The following INTS10 variants were observed in gnomAD, a reference collection of about 807,000 sequenced individuals.
The protein encoded by INTS10 is integrator complex subunit 10.
A neutral mutation model predicts 94.4 loss-of-function variants in INTS10; 44 were observed. The ratio of observed to expected loss-of-function variants is 0.47; its 90% CI spans 0.37 to 0.60. INTS10 has a LOEUF of 0.60. Ranked by LOEUF, INTS10 falls within the 20% of genes least tolerant of loss-of-function variation. INTS10 has a pLI of 0.00. For synonymous variants in INTS10, 341 were observed against 320.7 expected, an observed-to-expected ratio of 1.06 and a Z score of -0.68; for missense variants, 797 against 868.7, an observed-to-expected ratio of 0.92 and a Z score of 1.04.
In INTS10 at chr8:19,851,991, AAG is replaced by A. The variant is rs1339825243; in HGVS notation, c.*189_*190del. 2.3e-6 allele frequency: 1 copy of A among 426,292 alleles called. No homozygotes were observed. Among genetic ancestry groups the A allele is most frequent in the Non-Finnish European group, 4.1e-6 (1 of 242,456 alleles). 26.4% of individuals were successfully genotyped at this position (426,292 alleles called of 1,614,324 possible). ...AGTCTGAGAAGCTATTTCTATTTTT[AAG>A]AGTCATTTTTTGTAATTTTTGTAAA... On this transcript the variant is annotated 3_prime_UTR_variant, in exon 17 of 17. Transcript: ENST00000397977. This position sits in a 1 kb window ranked among gnomAD's most constrained non-coding sequence, Gnocchi z 5.0.
chr8:19,827,087 T>C (rs2066856075), intron 9 of INTS10, among the ~76,000 whole-genome samples: 1 of 152,178 alleles, frequency 6.6e-6, no homozygotes, highest in Non-Finnish European at 1.5e-5. Context: ...CGAAGGGTTT[T>C]GTCAGTTGGA....
chr8:19,830,703 C>G, intron 10 of INTS10, 144 bp downstream of exon 10: 1 of 752,264 alleles, frequency 1.3e-6, no homozygotes, highest in Middle Eastern at 3.2e-4. Context: ...CGGAGTCTCA[C>G]TCTTTTTCAC....
Position 19,820,465 on chromosome 8 carries a change from G to A in INTS10, c.388G>A (p.Glu130Lys). 1 of 1,613,084 alleles carries A rather than the reference G, an allele frequency of 6.2e-7. No individual in the cohort carries two copies. The highest frequency in any genetic ancestry group is 2.2e-5 in the East Asian group (1 of 44,870). The change falls in exon 4 of 17, where the codon GAA becomes AAA. Residue 130 changes from glutamate (E) to lysine (K), a missense_variant. Physicochemically the swap from Glu to Lys is moderately conservative, Grantham distance 56. Around this residue, in one of 3 missense-constraint regions of INTS10, gnomAD observed 734 missense variants for 787.8 expected, o/e 0.93. Coordinates refer to ENST00000397977, the MANE Select transcript of INTS10 (RefSeq NM_018142.4). ...EQCFNTLERSEMLLLLLRRFP... is the reference protein window; with the variant it reads ...EQCFNTLERSKMLLLLLRRFP... ...ATGCTTCAACACGTTAGAACGATCA[G>A]AAATGTTGCTTCTACTTTTGAGGCG... is the stretch of plus-strand genomic sequence containing the variant.
intron 13 of INTS10, 49 bp downstream of exon 13, chr8:19,837,209 C>G (rs1398410480): frequency 2.5e-6 from 3 of 1,205,764 alleles, no homozygotes; most frequent in Non-Finnish European, 3.7e-6. Context: ...CTTTAGAAAG[C>G]CAGGCACGGT....
intron 3 of INTS10, among the ~76,000 whole-genome samples, chr8:19,819,935 G>A (rs1176265474): frequency 6.6e-6 from 1 of 152,202 alleles, no homozygotes; most frequent in Non-Finnish European, 1.5e-5. Context: ...CCAGATAGCA[G>A]CTATAGATTA....
Position 19,851,208 on chromosome 8 carries a change from T to G in INTS10, c.1977-441T>G, listed in dbSNP as rs1451668419. On this transcript the variant is annotated intron_variant, in intron 16 of 16. Coordinates refer to ENST00000397977, the MANE Select transcript of INTS10 (RefSeq NM_018142.4). This position sits in a 1 kb window ranked among gnomAD's most constrained non-coding sequence, Gnocchi z 5.0. ...GGGCCATGGTGGGAGCTCACTTGGGTGATTGGCTCATTCAGGTCTCCTCCC... is the reference window on the plus strand; with the variant it reads ...GGGCCATGGTGGGAGCTCACTTGGGGGATTGGCTCATTCAGGTCTCCTCCC... Among the ~76,000 whole-genome samples, 2 of 152,070 alleles carry G rather than the reference T, an allele frequency of 1.3e-5. No individual in the cohort carries two copies. Among genetic ancestry groups the G allele is most frequent in the African/African-American group, 4.8e-5 (2 of 41,416 alleles).
intron 16 of INTS10, among the ~76,000 whole-genome samples, chr8:19,847,920 A>G (rs2068714167): frequency 2.0e-5 from 3 of 152,156 alleles, no homozygotes; most frequent in Non-Finnish European, 4.4e-5. Flanking sequence ...ACAACCCTTA[A>G]TTTCTTCTAA....
At position 19,833,159 on chromosome 8, in the gene INTS10, T is replaced by C; in HGVS notation, c.1378-10T>C. ...TGCTTTTCCCCTCCTTGCTATTCTA[T>C]CTTTCTTAGGGTCAATATAAAAAGG... On this transcript the variant is annotated splice_polypyrimidine_tract_variant and intron_variant, in intron 11 of 16. Coordinates refer to ENST00000397977, the MANE Select transcript of INTS10 (RefSeq NM_018142.4). 1 of 1,532,926 alleles carries C rather than the reference T, an allele frequency of 6.5e-7. No individual in the cohort carries two copies. The highest frequency in any genetic ancestry group is 1.4e-5 in the African/African-American group (1 of 70,588). 95.0% of individuals were successfully genotyped at this position (1,532,926 alleles called of 1,614,324 possible).
At position 19,817,677 on chromosome 8, in the gene INTS10, G is replaced by C; in HGVS notation, c.129+11G>C. On this transcript the variant is annotated intron_variant, in intron 1 of 16. Transcript: ENST00000397977. ...GACTTTAACATCCAGGTGAGGTCCC[G>C]GCTGTGCATGCGGCCGCTCTGCGTG... 6.2e-7 allele frequency: 1 copy of C among 1,600,602 alleles called. No individual in the cohort carries two copies. Among genetic ancestry groups the C allele is most frequent in the Non-Finnish European group, 8.5e-7 (1 of 1,174,570 alleles).
intron 4 of INTS10, 63 bp downstream of exon 4, chr8:19,820,581 G>A (rs753273432): frequency 4.2e-5 from 59 of 1,414,302 alleles, no homozygotes; most frequent in Middle Eastern, 1.8e-4. Flanking sequence ...CAGATTCATC[G>A]GTATGGTGAG....
chr8:19,851,270 C>A lies in INTS10; in HGVS notation c.1977-379C>A, dbSNP rs1486824037. On this transcript the variant is annotated intron_variant, in intron 16 of 16. Transcript: ENST00000397977. The surrounding 1 kb of genome is among the most constrained non-coding windows in gnomAD (Gnocchi z 5.0). ...GCCTCTGGAGGGTCTGCTGGCCGGG[C>A]TGGACATGAGCTCTTTGTAGCCAGT... 6.6e-6 allele frequency among the ~76,000 whole-genome samples: 1 copy of A among 152,146 alleles called. No homozygotes were observed. Among genetic ancestry groups the A allele is most frequent in the African/African-American group, 2.4e-5 (1 of 41,438 alleles).
chr8:19,851,818 C>G lies in INTS10; in HGVS notation c.*13C>G, dbSNP rs1285079536. On this transcript the variant is annotated 3_prime_UTR_variant, in exon 17 of 17. Transcript: ENST00000397977. The surrounding 1 kb of genome is among the most constrained non-coding windows in gnomAD (Gnocchi z 5.0). ...GACTCTGACCTGAGTGGAGACCTTT[C>G]CACCAGACACAGCTCGGGCCTGTGT... 1 of 1,612,490 alleles carries G rather than the reference C, an allele frequency of 6.2e-7. No homozygotes were observed. The highest frequency in any genetic ancestry group is 8.5e-7 in the Non-Finnish European group (1 of 1,178,604).
intron 11 of INTS10, among the ~76,000 whole-genome samples, chr8:19,832,548 T>A (rs1213497914): frequency 2.6e-5 from 4 of 152,118 alleles, no homozygotes; most frequent in African/African-American, 9.7e-5. Flanking sequence ...CCAGCCTGGG[T>A]GACAGTGAGA....
chr8:19,822,448 G>A lies in INTS10; in HGVS notation c.451G>A (p.Gly151Arg). Reference sequence around the variant, plus strand: ...TTTTGTTTTGAAATAGGTTGGCCTTGGGGAGGCACTATTAGAGGCTGAAAC... The same window carrying A: ...TTTTGTTTTGAAATAGGTTGGCCTTAGGGAGGCACTATTAGAGGCTGAAAC... ...ETVVQHGVGL[G>R]EALLEAETIE... is the part of the protein sequence containing the mutation. The change falls in exon 5 of 17, where the codon GGG (glycine) becomes AGG (arginine). Residue 151 changes from glycine to arginine, a missense_variant. Gly to Arg is a moderately radical substitution (Grantham distance 125). This residue lies in a region of INTS10 where 734 missense variants were observed against 787.8 expected (regional missense o/e 0.93). Transcript: ENST00000397977. 6.2e-7 allele frequency: 1 copy of A among 1,606,554 alleles called. No homozygotes were observed. The highest frequency in any genetic ancestry group is 8.5e-7 in the Non-Finnish European group (1 of 1,173,404).
chr8:19,823,309 G>T lies in INTS10; in HGVS notation c.532G>T (p.Val178Phe), dbSNP rs534439094. ...TTTTTCTCCTCCAACAGTTTGTGATGTCCTTCCTCTAATAATTAACAACCA... is the reference window on the plus strand; with the variant it reads ...TTTTTCTCCTCCAACAGTTTGTGATTTCCTTCCTCTAATAATTAACAACCA... ...NCFRKLFVCD[V>F]LPLIINNHDV... The change falls in exon 6 of 17, where the codon GTC becomes TTC. Residue 178 changes from valine (V) to phenylalanine (F), a missense_variant. By Grantham distance (50) the Val-to-Phe change is conservative. Around this residue, in one of 3 missense-constraint regions of INTS10, gnomAD observed 734 missense variants for 787.8 expected, o/e 0.93. Coordinates refer to ENST00000397977, the MANE Select transcript of INTS10 (RefSeq NM_018142.4). 2.5e-6 allele frequency: 4 copies of T among 1,607,604 alleles called. No homozygotes were observed. Among genetic ancestry groups the T allele is most frequent in the East Asian group, 2.2e-5 (1 of 44,780 alleles).
Position 19,833,335 on chromosome 8 carries a change from A to G in INTS10, c.1530+14A>G, listed in dbSNP as rs1202598738. ...GGGGAGTACAGAGTGAGTACTGCAC[A>G]CATACATGCCTGCCGCAGGTGCACG... On this transcript the variant is annotated intron_variant, in intron 12 of 16. Transcript: ENST00000397977. The G allele has an allele frequency of 6.5e-7, 1 of 1,537,256 alleles. No homozygotes were observed. The highest frequency in any genetic ancestry group is 2.1e-5 in the Admixed American group (1 of 48,214).
At chr8:19,839,789 G>A (rs368222746) in intron 13 of INTS10, among the ~76,000 whole-genome samples, 69 of 152,184 alleles carry the variant, frequency 4.5e-4, no homozygotes, top group East Asian at 2.9e-3. Context: ...AAGGCTGGGC[G>A]CAGTGGCTCA....
chr8:19,826,345 G>C lies in INTS10; in HGVS notation c.1007-81G>C, dbSNP rs2066788614. On this transcript the variant is annotated intron_variant, in intron 8 of 16. Coordinates refer to ENST00000397977, the MANE Select transcript of INTS10 (RefSeq NM_018142.4). ...AATCCTCCTGCCTCAGCCTCCCAAA[G>C]GGCTGGGATTGCAGGCATGAGCCAC... 6 of 1,416,894 alleles carry C rather than the reference G, an allele frequency of 4.2e-6. No individual in the cohort carries two copies. In the South Asian group the frequency reaches 7.2e-5, roughly 17 times the overall value. The allele number at this position is 1,416,894 out of a possible 1,614,324, so 87.8% of individuals were successfully genotyped here.
intron 12 of INTS10, among the ~76,000 whole-genome samples, chr8:19,836,690 A>G (rs1219624257): frequency 1.3e-5 from 2 of 151,960 alleles, no homozygotes; most frequent in Non-Finnish European, 2.9e-5. Flanking sequence ...TACATTTTTT[A>G]TTGTTAGTTT....
Sources: gnomAD v4.1 joint callset for allele counts (sites outside exome capture counted in the v4.1 genomes callset) on GRCh38, gnomAD v4.1.1 for gene constraint, gnomAD v4.1.1 regional missense constraint, Gnocchi (gnomAD v3.1) non-coding constraint, MANE v1.5 for transcripts, NCBI Gene and HGNC (gene_info 2026-07-23, HGNC 2026-07-21) for gene names.